The following NOS1 variants were observed in gnomAD, a reference collection of about 807,000 sequenced individuals.
NOS1 encodes the protein nitric oxide synthase 1.
Under a neutral mutation model 164.5 loss-of-function variants are expected in NOS1, and 51 were observed. That is an observed-to-expected ratio of 0.31 (90% CI 0.25 to 0.39). The LOEUF is 0.39. Among genes scored for constraint, NOS1 ranks in the 10% least tolerant of loss-of-function variants. The pLI, the probability that NOS1 is intolerant of heterozygous loss-of-function variation, is 1.00. For synonymous variants in NOS1, 719 were observed against 745.8 expected (o/e 0.96, Z 0.59); for missense variants, 1,362 against 1,885.6 (o/e 0.72, Z 5.14).
chr12:117,271,214 A>G (rs1028549407), intron 10 of NOS1, among the ~76,000 whole-genome samples: 1 of 150,916 alleles, frequency 6.6e-6, no homozygotes, highest in African/African-American at 2.4e-5. Flanking sequence ...CCCCCCAGAT[A>G]CCCTCCGATG....
chr12:117,254,485 C>T (rs186488376), intron 16 of NOS1, among the ~76,000 whole-genome samples: 58 of 152,290 alleles, frequency 3.8e-4, no homozygotes, highest in African/African-American at 1.3e-3. Context: ...AGTTCTGGGA[C>T]CTGGCTTGGG....
At chr12:117,352,787 G>A (rs1876684512) in intron 1 of NOS1, among the ~76,000 whole-genome samples, 1 of 152,172 alleles carries the variant, frequency 6.6e-6, no homozygotes, top group African/African-American at 2.4e-5. Flanking sequence ...TGTGGGAGGT[G>A]AGGGGATAGA....
intron 7 of NOS1, among the ~76,000 whole-genome samples, chr12:117,283,354 G>A (rs1873845052): frequency 1.3e-5 from 2 of 152,154 alleles, no homozygotes; most frequent in Non-Finnish European, 2.9e-5. Flanking sequence ...GAGCCACAGC[G>A]CCCAGCTGCA....
rs754734573 is a variant in NOS1 at position 117,330,593 on chromosome 12, AG to A, written c.476del (p.Pro159LeufsTer51). 6.2e-7 allele frequency: 1 copy of A among 1,612,342 alleles called. No individual in the cohort carries two copies. ...VDGASGPGNG[P>X]QHAYDDGQEA... ...CCTGCCCATCATCGTAGGCATGCTGAGGCCCATTCCCGGGACCCGAGGCCCC... is the reference window on the plus strand; with the variant it reads ...CCTGCCCATCATCGTAGGCATGCTGAGCCCATTCCCGGGACCCGAGGCCCC... On this transcript the variant is annotated frameshift_variant, in exon 2 of 29. Coordinates refer to ENST00000317775, the MANE Select transcript of NOS1 (RefSeq NM_000620.5). LOFTEE classifies it high-confidence loss of function. This position sits in a 1 kb window ranked among gnomAD's most constrained non-coding sequence, Gnocchi z 4.6.
At chr12:117,239,611 C>A (rs1870002689) in intron 20 of NOS1, among the ~76,000 whole-genome samples, 1 of 152,178 alleles carries the variant, frequency 6.6e-6, no homozygotes, top group Non-Finnish European at 1.5e-5. Flanking sequence ...TTAGTGATAT[C>A]TTGGTTGTGG....
At chr12:117,228,233 C>T (rs1868874509) in intron 22 of NOS1, among the ~76,000 whole-genome samples, 1 of 152,010 alleles carries the variant, frequency 6.6e-6, no homozygotes, top group South Asian at 2.1e-4. Flanking sequence ...TTACTGTTTC[C>T]CCATTTTATA....
In NOS1 at chr12:117,267,381, G is replaced by A. The variant is rs536668716; in HGVS notation, c.1941+662C>T. Among the ~76,000 whole-genome samples the A allele has an allele frequency of 2.6e-5, 4 of 152,312 alleles. No homozygotes were observed. In the South Asian group the frequency reaches 8.3e-4, roughly 32 times the overall value. On this transcript the variant is annotated intron_variant, in intron 11 of 28. Coordinates refer to ENST00000317775, the MANE Select transcript of NOS1 (RefSeq NM_000620.5). ...GCAGGTGAATCACCTGAAGTCAGGA[G>A]TTCAAGACCAGCCTGGCCAACATGG...
chr12:117,357,024 T>C (rs979656470), intron 1 of NOS1, among the ~76,000 whole-genome samples: 5 of 152,152 alleles, frequency 3.3e-5, no homozygotes, highest in African/African-American at 4.8e-5. Flanking sequence ...AGGTCACTTA[T>C]AAAAGGAATT....
intron 5 of NOS1, 71 bp from the exon 6 acceptor site, chr12:117,286,337 C>T: frequency 1.3e-6 from 2 of 1,535,580 alleles, no homozygotes; most frequent in Non-Finnish European, 8.9e-7. Flanking sequence ...AAGGGGAGAG[C>T]TATTCCAAGA....
At chr12:117,274,310 TAAC>T (rs1873008286) in intron 9 of NOS1, among the ~76,000 whole-genome samples, 2 of 152,004 alleles carry the variant, frequency 1.3e-5, no homozygotes, top group African/African-American at 4.8e-5. Flanking sequence ...AGACAAAAAA[TAAC>T]AAATGCTGGC....
rs754837095 is a variant in NOS1, at chr12:117,330,982, A to C, written c.88T>G (p.Phe30Val). 1 of 1,614,158 alleles carries C rather than the reference A, an allele frequency of 6.2e-7. No homozygotes were observed. The highest frequency in any genetic ancestry group is 1.7e-5 in the Admixed American group (1 of 60,022). Residue 30 changes from phenylalanine to valine, a missense_variant, in exon 2 of 29, where the codon TTT becomes GTT. Phe to Val is a conservative substitution (Grantham distance 50). Coordinates refer to ENST00000317775, the MANE Select transcript of NOS1 (RefSeq NM_000620.5). The surrounding 1 kb of genome is among the most constrained non-coding windows in gnomAD (Gnocchi z 4.6). ...TTACTGACCCGCTCCTTCACCAGAA[A>C]TCCCAGGCCCCCAACTTTGCGCTTG... ...LFKRKVGGLG[F>V]LVKERVSKPP... is the part of the protein sequence containing the mutation.
chr12:117,336,297 A>C (rs544883654), intron 1 of NOS1, among the ~76,000 whole-genome samples: 1 of 152,310 alleles, frequency 6.6e-6, no homozygotes, highest in South Asian at 2.1e-4. Context: ...AAGATGAAGA[A>C]TGTTAGGATG....
intron 22 of NOS1, 50 bp downstream of exon 22, chr12:117,231,912 C>T (rs760910463): frequency 3.9e-5 from 61 of 1,548,628 alleles, no homozygotes; most frequent in Middle Eastern, 1.8e-4. Context: ...TCTTTAATGA[C>T]GAGGAGGTGA....
intron 17 of NOS1, among the ~76,000 whole-genome samples, chr12:117,251,611 T>G (rs543065150): frequency 5.4e-5 from 7 of 130,512 alleles, no homozygotes; most frequent in African/African-American, 2.2e-4. Context: ...TTTTTTTTTT[T>G]GTAGACACAG....
At chr12:117,233,347 C>A (rs1212552927) in intron 21 of NOS1, among the ~76,000 whole-genome samples, 1 of 151,704 alleles carries the variant, frequency 6.6e-6, no homozygotes, top group African/African-American at 2.4e-5. Context: ...CCATGCCCGG[C>A]CTGATGCCTG....
intron 25 of NOS1, among the ~76,000 whole-genome samples, chr12:117,223,542 G>A (rs1160132565): frequency 6.6e-6 from 1 of 151,806 alleles, no homozygotes; most frequent in African/African-American, 2.4e-5. Flanking sequence ...TTATAAGCGT[G>A]AGCCACTGTG....
intron 7 of NOS1, 147 bp from the exon 8 acceptor site, chr12:117,281,013 C>T (rs957966268): frequency 3.7e-6 from 3 of 817,356 alleles, no homozygotes; most frequent in East Asian, 2.7e-5. Context: ...AATGGAGCAG[C>T]GGTCGGAAGG....
At chr12:117,313,810 C>T (rs1405867925) in intron 2 of NOS1, among the ~76,000 whole-genome samples, 3 of 152,220 alleles carry the variant, frequency 2.0e-5, no homozygotes, top group African/African-American at 7.2e-5. Context: ...TCCCAACAGC[C>T]TTTCTCCTTT....
At chr12:117,247,950 A>C (rs1360436978) in intron 17 of NOS1, among the ~76,000 whole-genome samples, 1 of 150,872 alleles carries the variant, frequency 6.6e-6, no homozygotes, top group Non-Finnish European at 1.5e-5. Flanking sequence ...CGTCTAAAAA[A>C]AAAAAAAAAA....
Sources: gnomAD v4.1 joint callset for allele counts (sites outside exome capture counted in the v4.1 genomes callset) on GRCh38, gnomAD v4.1.1 for gene constraint, Gnocchi (gnomAD v3.1) non-coding constraint, MANE v1.5 for transcripts, NCBI Gene and HGNC (gene_info 2026-07-23, HGNC 2026-07-21) for gene names.